STPG4: variants seen among roughly 807,000 people sequenced by gnomAD.
STPG4 encodes the protein protein STPG4.
In STPG4, 41 loss-of-function variants were observed where a neutral mutation model predicts 31.5. The ratio of observed to expected loss-of-function variants is 1.30; its 90% CI spans 1.01 to 1.69. The LOEUF (loss-of-function observed/expected upper bound fraction) is 1.69, where lower values mean the gene tolerates loss of function less well. Among genes scored for constraint, STPG4 ranks in the 40% most tolerant of loss-of-function variants. The probability of loss-of-function intolerance (pLI) is 0.00; values close to 1 mark genes in which losing one functional copy is unlikely to be tolerated. For missense variants in STPG4, 375 were observed against 293.4 expected, an observed-to-expected ratio of 1.28 and a Z score of -2.03; for synonymous variants, 141 against 103.0, an observed-to-expected ratio of 1.37 and a Z score of -2.24.
rs766384005 is a variant in STPG4 at position 47,090,380 on chromosome 2, G to T, written c.520-6C>A. 16 of 1,533,184 alleles carry T rather than the reference G, an allele frequency of 1.0e-5. No individual in the cohort carries two copies. The African/African-American group carries it at 2.1e-4, about 20-fold the overall frequency. 95.0% of individuals were successfully genotyped at this position (1,533,184 alleles called of 1,614,324 possible). A position where few individuals can be genotyped will look rare whatever the true frequency, so the allele number is the denominator to read the frequency against. On this transcript the variant is annotated splice_polypyrimidine_tract_variant and splice_region_variant and intron_variant, in intron 5 of 6. Transcript: ENST00000445927. ...CCTGGACCAGGGCCTTCATGCTATTGAACATTTAAAAAATTGCTTCATTAT... is the reference window on the plus strand; with the variant it reads ...CCTGGACCAGGGCCTTCATGCTATTTAACATTTAAAAAATTGCTTCATTAT...
chr2:47,130,003 T>G lies in STPG4; in HGVS notation c.465-8A>C. ...GAGCGAAATACACAGCTCCTATATTTCAAAATAAAAAAGAAAAGTGATTTT... is the reference window on the plus strand; with the variant it reads ...GAGCGAAATACACAGCTCCTATATTGCAAAATAAAAAAGAAAAGTGATTTT... On this transcript the variant is annotated splice_region_variant and splice_polypyrimidine_tract_variant and intron_variant, in intron 4 of 6. Transcript: ENST00000445927. The G allele has an allele frequency of 6.5e-7, 1 of 1,537,236 alleles. No homozygotes were observed. The highest frequency in any genetic ancestry group is 1.8e-5 in the Admixed American group (1 of 54,276).
intron 3 of STPG4, among the ~76,000 whole-genome samples, chr2:47,139,760 C>T (rs147535193): frequency 2.2e-4 from 34 of 152,106 alleles, no homozygotes; most frequent in African/African-American, 7.7e-4. Flanking sequence ...TGATTAACTC[C>T]GACAATCTGT....
intron 3 of STPG4, among the ~76,000 whole-genome samples, chr2:47,134,412 A>G (rs1686553693): frequency 6.6e-6 from 1 of 151,992 alleles, no homozygotes; most frequent in Non-Finnish European, 1.5e-5. Flanking sequence ...TAGTCTCCAT[A>G]GTTTTGCCTT....
chr2:47,139,619 G>C (rs1371123904), intron 3 of STPG4, among the ~76,000 whole-genome samples: 1 of 151,956 alleles, frequency 6.6e-6, no homozygotes, highest in African/African-American at 2.4e-5. Context: ...GAAGTTATTT[G>C]CTTCTTTGAA....
chr2:47,122,950 T>A (rs557860224), intron 5 of STPG4, among the ~76,000 whole-genome samples: 1 of 151,970 alleles, frequency 6.6e-6, no homozygotes, highest in Non-Finnish European at 1.5e-5. Context: ...CTCAGCCTCC[T>A]GAGTAGCTGG....
chr2:47,093,465 T>G (rs1412961796), intron 5 of STPG4, among the ~76,000 whole-genome samples: 1 of 152,166 alleles, frequency 6.6e-6, no homozygotes, highest in East Asian at 1.9e-4. Flanking sequence ...GCCATAAAGA[T>G]GCAGTGCTCT....
intron 5 of STPG4, among the ~76,000 whole-genome samples, 173 bp from the exon 6 acceptor site, chr2:47,090,547 G>A (rs569539115): frequency 2.6e-5 from 4 of 152,290 alleles, no homozygotes; most frequent in Non-Finnish European, 2.9e-5. Context: ...ATTGTGAAAC[G>A]GGAGTAACTC....
At position 47,127,252 on chromosome 2, in the gene STPG4, CTTTTTTTTTTTTTTTTTTT is replaced by C. The variant is rs57475505; in HGVS notation, c.519+2670_519+2688del. On this transcript the variant is annotated intron_variant, in intron 5 of 6. Transcript: ENST00000445927. ...CAAATAGCTTGTCTTCAAGCTAATT[CTTTTTTTTTTTTTTTTTTT>C]TTTTTTTTTTTTTTTGAGACAGAGT... Among the ~76,000 whole-genome samples the C allele has an allele frequency of 5.2e-4, 30 of 57,458 alleles. 1 individual carries two copies. Among genetic ancestry groups the C allele is most frequent in the Admixed American group, 7.7e-4 (3 of 3,908 alleles). 37.7% of individuals were successfully genotyped at this position (57,458 alleles called of 152,430 possible).
At chr2:47,125,972 A>C (rs997623458) in intron 5 of STPG4, among the ~76,000 whole-genome samples, 2 of 152,204 alleles carry the variant, frequency 1.3e-5, no homozygotes, top group African/African-American at 4.8e-5. Flanking sequence ...CATTTATTGA[A>C]GAGACTGTCC....
chr2:47,131,574 A>G (rs768460651), intron 3 of STPG4, among the ~76,000 whole-genome samples: 9 of 152,264 alleles, frequency 5.9e-5, no homozygotes, highest in Non-Finnish European at 1.5e-5. Flanking sequence ...AGGCACCTAC[A>G]GAAACAATCC....
At chr2:47,125,420 CA>C (rs202196447) in intron 5 of STPG4, among the ~76,000 whole-genome samples, 2 of 150,214 alleles carry the variant, frequency 1.3e-5, no homozygotes, top group East Asian at 1.9e-4. Context: ...GACGCTGTCT[CA>C]AAAAAAAAGA....
Position 47,087,043 on chromosome 2 carries a change from G to A in STPG4, c.712C>T (p.Leu238Phe). The A allele has an allele frequency of 1.3e-6, 2 of 1,551,768 alleles. No homozygotes were observed. The highest frequency in any genetic ancestry group is 1.7e-6 in the Non-Finnish European group (2 of 1,146,998). The change falls in exon 7 of 7, where the codon CTT (leucine) becomes TTT (phenylalanine). Residue 238 changes from leucine (L) to phenylalanine (F), a missense_variant. Physicochemically the swap from Leu to Phe is conservative, Grantham distance 22 (BLOSUM62 0). Coordinates refer to ENST00000445927, the MANE Select transcript of STPG4 (RefSeq NM_001163561.2). The stretch of plus-strand genomic sequence containing the variant: ...AGCCAATTGTTGTTGTTGAAGAAAA[G>A]GCTATGCTCTTGGCCCATTTTGGCT... ...TIAKMGQEHS[L>F]FFNNNNWLLK
chr2:47,119,839 G>C (rs971342986), intron 5 of STPG4, among the ~76,000 whole-genome samples: 2 of 152,194 alleles, frequency 1.3e-5, no homozygotes, highest in African/African-American at 4.8e-5. Context: ...GTGGCTTGCA[G>C]GTAAGAATTT....
At chr2:47,148,196 C>G (rs1320039962) in intron 3 of STPG4, among the ~76,000 whole-genome samples, 1 of 152,088 alleles carries the variant, frequency 6.6e-6, no homozygotes. Flanking sequence ...ATCCACCTGC[C>G]TCGGCCTCCC....
chr2:47,090,546 C>T (rs751513957), intron 5 of STPG4, among the ~76,000 whole-genome samples, 172 bp from the exon 6 acceptor site: 13 of 152,172 alleles, frequency 8.5e-5, no homozygotes, highest in Admixed American at 3.3e-4. Flanking sequence ...CATTGTGAAA[C>T]GGGAGTAACT....
intron 5 of STPG4, among the ~76,000 whole-genome samples, chr2:47,120,549 A>G (rs1203233681): frequency 7.2e-6 from 1 of 139,684 alleles, no homozygotes; most frequent in Non-Finnish European, 1.6e-5. Flanking sequence ...CCTGGGCGAA[A>G]GAGCAAGACT....
intron 5 of STPG4, among the ~76,000 whole-genome samples, chr2:47,117,537 G>T (rs190130020): frequency 6.6e-6 from 1 of 152,314 alleles, no homozygotes; most frequent in East Asian, 1.9e-4. Context: ...TGAGTCATCA[G>T]TGTCTAATTT....
intron 5 of STPG4, among the ~76,000 whole-genome samples, chr2:47,115,487 G>T (rs1686129186): frequency 1.3e-5 from 2 of 152,016 alleles, no homozygotes; most frequent in Admixed American, 1.3e-4. Flanking sequence ...TGTTAGTTTG[G>T]CTAAATATAG....
intron 5 of STPG4, among the ~76,000 whole-genome samples, chr2:47,105,259 G>A (rs1171703304): frequency 3.3e-5 from 5 of 151,962 alleles, no homozygotes; most frequent in Admixed American, 3.3e-4. Flanking sequence ...GGAAACTGAT[G>A]TAGTAGCAAA....
Sources: allele counts gnomAD v4.1 joint callset (sites outside exome capture counted in the v4.1 genomes callset), GRCh38; gene constraint gnomAD v4.1.1; transcripts MANE v1.5; gene names NCBI Gene and HGNC (gene_info 2026-07-23, HGNC 2026-07-21).